Variants in GRID1 observed in about 807,000 individuals in gnomAD.
GRID1 encodes glutamate ionotropic receptor delta type subunit 1, also known as glutamate receptor ionotropic, delta-1.
In GRID1, 28 loss-of-function variants were observed where a neutral mutation model predicts 98.0. The ratio of observed to expected loss-of-function variants is 0.29; its 90% confidence interval spans 0.21 to 0.39. The LOEUF (loss-of-function observed/expected upper bound fraction) is 0.39. GRID1 is among the 10% of genes least tolerant of loss of function. GRID1 has a pLI of 1.00. For missense variants in GRID1, 1,111 were observed against 1,340.5 expected (o/e 0.83, Z 2.67); for synonymous variants, 553 against 538.5 (o/e 1.03, Z -0.37).
chr10:85,693,769 T>C (rs897915247), intron 12 of GRID1, among the ~76,000 whole-genome samples: 12 of 152,170 alleles, frequency 7.9e-5, no homozygotes, highest in Admixed American at 1.3e-4. Context: ...TCTTTCACCA[T>C]ATACAAAAAT....
chr10:86,082,478 T>C (rs1471383745), intron 4 of GRID1, among the ~76,000 whole-genome samples: 1 of 152,198 alleles, frequency 6.6e-6, no homozygotes, highest in Non-Finnish European at 1.5e-5. Context: ...GAAATTCCCC[T>C]GCACCCTGTC....
chr10:86,229,448 T>C (rs1846413294), intron 2 of GRID1, among the ~76,000 whole-genome samples: 1 of 152,212 alleles, frequency 6.6e-6, no homozygotes, highest in East Asian at 1.9e-4. Context: ...AATTTCCTCA[T>C]TGGCAAAACG....
chr10:85,717,414 G>A (rs571219906), intron 12 of GRID1, among the ~76,000 whole-genome samples: 16 of 152,222 alleles, frequency 1.1e-4, no homozygotes, highest in Middle Eastern at 3.4e-3. Context: ...CTTACATGGC[G>A]TAGGCAAGAG....
intron 8 of GRID1, among the ~76,000 whole-genome samples, chr10:85,744,012 T>C (rs1841974727): frequency 6.6e-6 from 1 of 152,160 alleles, no homozygotes; most frequent in African/African-American, 2.4e-5. Flanking sequence ...ATATTTTTTA[T>C]TCTCAGTGTT....
intron 4 of GRID1, among the ~76,000 whole-genome samples, chr10:86,056,747 T>C (rs1044610734): frequency 1.1e-4 from 17 of 152,200 alleles, no homozygotes; most frequent in African/African-American, 4.1e-4. Context: ...ACGTGGTGGA[T>C]CTTATAGCAG....
Position 85,852,373 on chromosome 10 carries a change from G to A in GRID1, c.1233+2123C>T, listed in dbSNP as rs61671968. 5.7e-3 allele frequency among the ~76,000 whole-genome samples: 861 copies of A among 152,282 alleles called. 7 individuals carry two copies. Among genetic ancestry groups the A allele is most frequent in the African/African-American group, 0.019 (810 of 41,574 alleles). On this transcript the variant is annotated intron_variant, in intron 8 of 15. Transcript: ENST00000327946. ...TTTTGAGGCGCATTGCCTTGGCAAC[G>A]TGGAAGGTCCAGACACCTGAAACAG...
chr10:86,123,574 G>GGCCCTGCACTGGGCTTGGTAGCA (rs1844709503), intron 4 of GRID1, among the ~76,000 whole-genome samples: 1 of 152,186 alleles, frequency 6.6e-6, no homozygotes, highest in African/African-American at 2.4e-5. Context: ...GGGGAGGCGA[G>GGCCCTGCACTGGGCTTGGTAGCA]GCCCTGCACT....
chr10:85,731,197 C>A (rs779054048), intron 8 of GRID1, among the ~76,000 whole-genome samples: 39 of 152,038 alleles, frequency 2.6e-4, no homozygotes, highest in Non-Finnish European at 4.7e-4. Context: ...GTTCTAGAGT[C>A]AGTTTTAAAG....
chr10:86,311,082 G>A (rs1847825893), intron 2 of GRID1, among the ~76,000 whole-genome samples: 1 of 152,084 alleles, frequency 6.6e-6, no homozygotes, highest in African/African-American at 2.4e-5. Flanking sequence ...AAGGTAGACT[G>A]ATATTTTCTG....
intron 12 of GRID1, among the ~76,000 whole-genome samples, chr10:85,692,304 T>C (rs1441471707): frequency 6.6e-6 from 1 of 152,004 alleles, no homozygotes; most frequent in East Asian, 1.9e-4. Context: ...GAAGGCACAG[T>C]TTAATGAAAG....
chr10:85,792,108 A>G (rs1162052483), intron 8 of GRID1, among the ~76,000 whole-genome samples: 2 of 152,146 alleles, frequency 1.3e-5, no homozygotes, highest in Non-Finnish European at 2.9e-5. Flanking sequence ...ACCACAGAGC[A>G]TGGCTTTCCC....
At chr10:85,910,650 T>C (rs1367761711) in intron 5 of GRID1, among the ~76,000 whole-genome samples, 7 of 152,106 alleles carry the variant, frequency 4.6e-5, no homozygotes, top group Non-Finnish European at 1.0e-4. Context: ...ACTTTGTCCT[T>C]TGGGTGGCAG....
In GRID1 at chr10:85,729,562, G is replaced by C; in HGVS notation, c.1286C>G (p.Pro429Arg). 1 of 1,612,970 alleles carries C rather than the reference G, an allele frequency of 6.2e-7. No homozygotes were observed. Among genetic ancestry groups the C allele is most frequent in the Non-Finnish European group, 8.5e-7 (1 of 1,179,172 alleles). Residue 429 changes from proline (P) to arginine (R), a missense_variant, in exon 9 of 16, where the codon CCC becomes CGC. Physicochemically the swap from Pro to Arg is moderately radical, Grantham distance 103. This residue lies in a region of GRID1 where 762 missense variants were observed against 869.1 expected (regional missense o/e 0.88). Coordinates refer to ENST00000327946, the MANE Select transcript of GRID1 (RefSeq NM_017551.3). ...CAATCCTTGGAGGCGGCTGCCCATG[G>C]GCCTCTCTTGCAAGCTGCCATTCAA... is the stretch of plus-strand genomic sequence containing the variant. The part of the protein sequence containing the change: ...KGLNGSLQER[P>R]MGSRLQGLTL...
intron 4 of GRID1, among the ~76,000 whole-genome samples, chr10:86,059,617 C>T (rs1843622042): frequency 6.6e-6 from 1 of 152,156 alleles, no homozygotes; most frequent in African/African-American, 2.4e-5. Flanking sequence ...TTATTTTAAC[C>T]AACAAAGTAC....
chr10:85,765,467 G>A (rs1321983402), intron 8 of GRID1, among the ~76,000 whole-genome samples: 1 of 152,158 alleles, frequency 6.6e-6, no homozygotes, highest in Non-Finnish European at 1.5e-5. Context: ...GCTCCAAAAT[G>A]TGAAACATTT....
intron 4 of GRID1, among the ~76,000 whole-genome samples, chr10:86,089,297 C>T (rs2352461): frequency 0.14 from 21,333 of 152,114 alleles, 2,477 homozygotes; most frequent in African/African-American, 0.32. Flanking sequence ...AGTAGGGAGC[C>T]AGAACTTCCA....
chr10:86,231,456 C>A lies in GRID1; in HGVS notation c.236-24808G>T, dbSNP rs528890315. On this transcript the variant is annotated intron_variant, in intron 2 of 15. Coordinates refer to ENST00000327946, the MANE Select transcript of GRID1 (RefSeq NM_017551.3). ...AGGCCACAGGTAACCCTATTCCAGACCCCCTAAGTGAACCCTTGTGCCCTG... is the reference window on the plus strand; with the variant it reads ...AGGCCACAGGTAACCCTATTCCAGAACCCCTAAGTGAACCCTTGTGCCCTG... Among the ~76,000 whole-genome samples, 4 of 152,264 alleles carry A rather than the reference C, an allele frequency of 2.6e-5. 1 individual carries two copies. The highest frequency in any genetic ancestry group is 9.6e-5 in the African/African-American group (4 of 41,568).
At position 86,299,482 on chromosome 10, in the gene GRID1, C is replaced by G. The variant is rs946683755; in HGVS notation, c.235+64459G>C. ...ATATCTCCTAATGCTATCCCTCCCCCCTCGCCCCCCTCCCCACAACAGGCC... is the reference window on the plus strand; with the variant it reads ...ATATCTCCTAATGCTATCCCTCCCCGCTCGCCCCCCTCCCCACAACAGGCC... On this transcript the variant is annotated intron_variant, in intron 2 of 15. Transcript: ENST00000327946. 7.3e-5 allele frequency among the ~76,000 whole-genome samples: 11 copies of G among 151,716 alleles called. No individual in the cohort carries two copies. The East Asian group carries it at 1.8e-3, about 24-fold the overall frequency.
chr10:85,763,161 C>T (rs1416579137), intron 8 of GRID1, among the ~76,000 whole-genome samples: 1 of 152,140 alleles, frequency 6.6e-6, no homozygotes, highest in Non-Finnish European at 1.5e-5. Context: ...CCAGTGACCC[C>T]AAGTCAGCTG....
Sources: gnomAD v4.1 joint callset for allele counts (sites outside exome capture counted in the v4.1 genomes callset) on GRCh38, gnomAD v4.1.1 for gene constraint, gnomAD v4.1.1 regional missense constraint, MANE v1.5 for transcripts, NCBI Gene and HGNC (gene_info 2026-07-23, HGNC 2026-07-21) for gene names.